Variants in COX15 observed in about 807,000 individuals in gnomAD.
COX15 encodes the protein heme A synthase COX15.
In COX15, 51 loss-of-function variants were observed where a neutral mutation model predicts 51.9. The observed-to-expected ratio is 0.98, with a 90% CI of 0.78 to 1.24. The LOEUF (loss-of-function observed/expected upper bound fraction) is 1.24, where lower values mean the gene tolerates loss of function less well. Ranked by LOEUF, COX15 falls within the 50% of genes most tolerant of loss-of-function variation. The pLI is 0.00. For missense variants in COX15, 420 were observed against 501.1 expected (o/e 0.84, Z 1.55); for synonymous variants, 188 against 190.5 (o/e 0.99, Z 0.11).
At chr10:99,698,423 TATC>T in the COX15 span, 23 of 1,046,540 alleles carry the variant, frequency 2.2e-5, no homozygotes, top group Admixed American at 2.8e-5. Flanking sequence ...TTTCTAGAGA[TATC>T]ATGAAAACCA....
At chr10:99,714,776 A>G in intron 8 of COX15, 58 bp from the exon 9 acceptor site, 1 of 1,607,086 alleles carries the variant, frequency 6.2e-7, no homozygotes, top group Non-Finnish European at 8.5e-7. Context: ...CACATTGAAA[A>G]TGGCCAGGCG....
Position 99,718,305 on chromosome 10 carries a change from G to C in COX15, c.987+41C>G, listed in dbSNP as rs781331829. 3.1e-6 allele frequency: 5 copies of C among 1,611,874 alleles called. No homozygotes were observed. In the African/African-American group the frequency reaches 5.3e-5, roughly 17 times the overall value. ...ACTGACACCCCAAAGCCTATGATAG[G>C]CTCCTGTGCTCTCTGGCAGGTAACC... On this transcript the variant is annotated intron_variant, in intron 7 of 8. Coordinates refer to ENST00000016171, the MANE Select transcript of COX15 (RefSeq NM_078470.6).
rs766429756 is a variant in COX15 at position 99,727,144 on chromosome 10, C to T, written c.406G>A (p.Asp136Asn). 6.2e-7 allele frequency: 1 copy of T among 1,614,156 alleles called. No individual in the cohort carries two copies. Among genetic ancestry groups the T allele is most frequent in the East Asian group, 2.2e-5 (1 of 44,876 alleles). Residue 136 changes from aspartate (D) to asparagine (N), a missense_variant, in exon 4 of 9, where the codon GAT becomes AAT. Transcript: ENST00000016171. ...QFPEFKILNH[D>N]MTLTEFKFIW... ...AACTTGAATTCTGTCAGTGTCATATCATGATTCAAGCTGGGTGAAATGGAA... is the reference window on the plus strand; with the variant it reads ...AACTTGAATTCTGTCAGTGTCATATTATGATTCAAGCTGGGTGAAATGGAA...
chr10:99,703,638 T>C, the COX15 span, among the ~76,000 whole-genome samples: 7 of 152,224 alleles, frequency 4.6e-5, no homozygotes, highest in Admixed American at 4.6e-4. Flanking sequence ...CGCCTTATTT[T>C]TATCTGACTG....
At chr10:99,709,181 A>G (rs1216129174), downstream of COX15, 7 of 985,430 alleles carry the variant, frequency 7.1e-6, no homozygotes, top group Non-Finnish European at 8.4e-6. Context: ...TGCCTATTAC[A>G]TCTACCTCAT....
downstream of COX15, chr10:99,710,295 T>C (rs986200405): frequency 6.3e-5 from 62 of 985,336 alleles, no homozygotes; most frequent in African/African-American, 8.9e-4. Flanking sequence ...CTTTGGTTTC[T>C]AGTGTTTCAG....
rs891485696 is a variant in COX15 at position 99,713,348 on chromosome 10, T to C, written c.*1239A>G. 1 of 1,612,182 alleles carries C rather than the reference T, an allele frequency of 6.2e-7. No individual in the cohort carries two copies. Among genetic ancestry groups the C allele is most frequent in the African/African-American group, 1.3e-5 (1 of 74,912 alleles). On this transcript the variant is annotated 3_prime_UTR_variant, in exon 9 of 9. Coordinates refer to ENST00000016171, the MANE Select transcript of COX15 (RefSeq NM_078470.6). ...TAATTTCATCTCGATGGGGTCATTC[T>C]GGGACTGTTTTCAGTTGCCACTGTC...
chr10:99,731,999 A>G lies in COX15; in HGVS notation c.51T>C (p.Tyr17=). 6.2e-7 allele frequency: 1 copy of G among 1,612,988 alleles called. No homozygotes were observed. Among genetic ancestry groups the G allele is most frequent in the Admixed American group, 1.7e-5 (1 of 59,894 alleles). Residue 17 remains tyrosine (Y), a synonymous_variant, in exon 1 of 9, where the codon TAT becomes TAC. Transcript: ENST00000016171. ...CTGCCCTAGGAGCCAGGAGCGGCAGATACTGCCTCCCCTTCAAGGCCCTCA... is the reference window on the plus strand; with the variant it reads ...CTGCCCTAGGAGCCAGGAGCGGCAGGTACTGCCTCCCCTTCAAGGCCCTCA... ...PPLRALKGRQ[Y]LPLLAPRAAP...
At chr10:99,723,347 G>A (rs1187148285) in intron 5 of COX15, among the ~76,000 whole-genome samples, 3 of 151,940 alleles carry the variant, frequency 2.0e-5, no homozygotes, top group East Asian at 1.9e-4. Context: ...TCTCCAGGTT[G>A]GTCAGGCTGG....
At chr10:99,710,604 A>T, downstream of COX15, 2 of 985,424 alleles carry the variant, frequency 2.0e-6, no homozygotes, top group Non-Finnish European at 2.4e-6. Flanking sequence ...TGTTGAGGAA[A>T]ATGTGTGATG....
intron 5 of COX15, among the ~76,000 whole-genome samples, chr10:99,723,430 C>T (rs2036843887): frequency 6.6e-6 from 1 of 152,040 alleles, no homozygotes; most frequent in Non-Finnish European, 1.5e-5. Flanking sequence ...GCGTGAGCCA[C>T]CGCGCCTGGC....
downstream of COX15, chr10:99,709,503 A>G (rs1010618568): frequency 1.4e-5 from 14 of 984,530 alleles, no homozygotes; most frequent in African/African-American, 1.7e-5. Context: ...ACTCAAAACC[A>G]AAAGTTGTGA....
the COX15 span, chr10:99,698,554 G>T: frequency 1.2e-6 from 2 of 1,614,062 alleles, no homozygotes; most frequent in Non-Finnish European, 1.7e-6. Context: ...CAGAAGACAG[G>T]TCTGAGTCCC....
chr10:99,726,881 C>G (rs2036967682), intron 4 of COX15, 87 bp downstream of exon 4: 1 of 1,231,880 alleles, frequency 8.1e-7, no homozygotes, highest in African/African-American at 1.8e-5. Flanking sequence ...CAGCGAGACT[C>G]CGTCTCAAAA....
chr10:99,721,453 T>A (rs1364669756), intron 5 of COX15, among the ~76,000 whole-genome samples: 1 of 152,232 alleles, frequency 6.6e-6, no homozygotes, highest in Non-Finnish European at 1.5e-5. Flanking sequence ...GACTGGATTT[T>A]CATGTGTGTG....
Position 99,729,667 on chromosome 10 carries a change from G to A in COX15, c.158C>T (p.Ser53Phe), listed in dbSNP as rs749336744. The A allele has an allele frequency of 3.7e-6, 6 of 1,614,142 alleles. No homozygotes were observed. The highest frequency in any genetic ancestry group is 3.4e-6 in the Non-Finnish European group (4 of 1,180,026). The change falls in exon 2 of 9, where the codon TCT (serine) becomes TTT (phenylalanine). Residue 53 changes from serine (S) to phenylalanine (F), a missense_variant. Physicochemically the swap from Ser to Phe is radical, Grantham distance 155 (BLOSUM62 -2). Coordinates refer to ENST00000016171, the MANE Select transcript of COX15 (RefSeq NM_078470.6). ...GGGAAGGGACACTGTACCCCTTCCA[G>A]ATTGCAAAGCTACTTCAGAGATGGT... is the stretch of plus-strand genomic sequence containing the variant. ...YSTISEVALQ[S>F]GRGTVSLPSK...
downstream of COX15, chr10:99,709,520 A>G (rs1590072644): frequency 2.0e-6 from 2 of 983,754 alleles, no homozygotes; most frequent in East Asian, 1.1e-4. Flanking sequence ...GTGATTAATA[A>G]TAACAGGATT....
chr10:99,710,179 T>C (rs2036337394), downstream of COX15: 1 of 985,444 alleles, frequency 1.0e-6, no homozygotes, highest in African/African-American at 1.7e-5. Context: ...CTTTCCTAAG[T>C]GGCCCCTCCT....
At chr10:99,710,842 C>T, downstream of COX15, 1 of 985,368 alleles carries the variant, frequency 1.0e-6, no homozygotes, top group Non-Finnish European at 1.2e-6. Flanking sequence ...GTCTAAGTTA[C>T]AGACAAAAAA....
Sources: gnomAD v4.1 joint callset for allele counts (sites outside exome capture counted in the v4.1 genomes callset) on GRCh38, gnomAD v4.1.1 for gene constraint, MANE v1.5 for transcripts, NCBI Gene and HGNC (gene_info 2026-07-23, HGNC 2026-07-21) for gene names.